SGPL1: variants seen among roughly 807,000 people sequenced by gnomAD.
SGPL1 encodes SP-lyase 1.
Under a neutral mutation model 68.9 loss-of-function variants are expected in SGPL1, and 37 were observed. That is an observed-to-expected ratio of 0.54 (90% CI 0.41 to 0.71). The LOEUF is 0.71. SGPL1 is among the 30% of genes least tolerant of loss of function. SGPL1 has a pLI of 0.00. For synonymous variants in SGPL1, 236 were observed against 248.5 expected, an observed-to-expected ratio of 0.95 and a Z score of 0.47; for missense variants, 551 against 704.6, an observed-to-expected ratio of 0.78 and a Z score of 2.47.
Position 70,857,618 on chromosome 10 carries a change from C to T in SGPL1, c.414C>T (p.Ala138=). The T allele has an allele frequency of 6.2e-7, 1 of 1,613,110 alleles. No homozygotes were observed. Among genetic ancestry groups the T allele is most frequent in the Non-Finnish European group, 8.5e-7 (1 of 1,179,264 alleles). Residue 138 remains alanine, a synonymous_variant, in exon 6 of 15, where the codon GCC becomes GCT. Transcript: ENST00000373202. ...TGACCTTACCTTTCTCTGCAGACGC[C>T]TTCTGGCAAGAGGGGAGAGCCTCTG... ...EKLKEYSSMD[A]FWQEGRASGT...
rs1021352933 is a variant in SGPL1, at chr10:70,879,298, C to T, written c.*1963C>T. 2.6e-5 allele frequency: 4 copies of T among 152,670 alleles called. No individual in the cohort carries two copies. The highest frequency in any genetic ancestry group is 6.5e-5 in the Admixed American group (1 of 15,288). 9.5% of individuals were successfully genotyped at this position (152,670 alleles called of 1,614,324 possible). On this transcript the variant is annotated 3_prime_UTR_variant, in exon 15 of 15. Transcript: ENST00000373202. ...TCCTCAGGCTCCTTGGCATGTTAGTCTGAATTGTTCTTGAGCACTGTACTA... is the reference window on the plus strand; with the variant it reads ...TCCTCAGGCTCCTTGGCATGTTAGTTTGAATTGTTCTTGAGCACTGTACTA...
chr10:70,816,762 G>A, intron 1 of SGPL1, 49 bp from the exon 2 acceptor site: 1 of 1,307,494 alleles, frequency 7.6e-7, no homozygotes, highest in South Asian at 1.2e-5. Flanking sequence ...GCGGGCTGGC[G>A]AGACAGTTTA....
intron 2 of SGPL1, among the ~76,000 whole-genome samples, chr10:70,827,396 A>G (rs1845455969): frequency 6.6e-6 from 1 of 152,094 alleles, no homozygotes; most frequent in Admixed American, 6.5e-5. Context: ...TTTGCTGTAT[A>G]TTTGCTGAGA....
chr10:70,820,822 A>C (rs1354195014), intron 2 of SGPL1, among the ~76,000 whole-genome samples: 1 of 152,206 alleles, frequency 6.6e-6, no homozygotes, highest in African/African-American at 2.4e-5. Flanking sequence ...CATTTAATGA[A>C]TTATATTGAA....
chr10:70,872,053 G>A, intron 11 of SGPL1, 67 bp downstream of exon 11: 2 of 1,487,278 alleles, frequency 1.3e-6, no homozygotes, highest in Non-Finnish European at 1.8e-6. Context: ...AAATAAATTG[G>A]TAGCTTCCCC....
chr10:70,826,441 G>A (rs1845439454), intron 2 of SGPL1, among the ~76,000 whole-genome samples: 1 of 152,142 alleles, frequency 6.6e-6, no homozygotes, highest in African/African-American at 2.4e-5. Flanking sequence ...TCAGGTTCAT[G>A]TTTCATTCAT....
At position 70,831,875 on chromosome 10, in the gene SGPL1, G is replaced by A. The variant is rs74140838; in HGVS notation, c.28-12598G>A. On this transcript the variant is annotated intron_variant, in intron 2 of 14. Coordinates refer to ENST00000373202, the MANE Select transcript of SGPL1 (RefSeq NM_003901.4). ...GCAGCCTTCCTTCCTCCAGAATATG[G>A]GGCACAACCCTCCCAGGAATGAGGG... Among the ~76,000 whole-genome samples the A allele has an allele frequency of 2.2e-3, 338 of 152,210 alleles. 3 individuals carry two copies. Among genetic ancestry groups the A allele is most frequent in the African/African-American group, 7.7e-3 (321 of 41,526 alleles).
intron 4 of SGPL1, among the ~76,000 whole-genome samples, chr10:70,853,843 A>AG (rs1447425526): frequency 8.5e-5 from 13 of 152,222 alleles, no homozygotes; most frequent in African/African-American, 3.1e-4. Context: ...GAGATACATT[A>AG]GAGTCTTCCT....
intron 2 of SGPL1, among the ~76,000 whole-genome samples, chr10:70,831,175 G>T (rs1362249866): frequency 1.3e-5 from 2 of 152,112 alleles, no homozygotes; most frequent in African/African-American, 4.8e-5. Context: ...CCCAGATAAT[G>T]CATAATTTTT....
At chr10:70,832,811 A>G (rs143821740) in intron 2 of SGPL1, among the ~76,000 whole-genome samples, 6 of 152,128 alleles carry the variant, frequency 3.9e-5, no homozygotes, top group South Asian at 2.1e-4. Flanking sequence ...CTGGGAGTCT[A>G]TTTTCCTACA....
intron 2 of SGPL1, among the ~76,000 whole-genome samples, chr10:70,829,784 C>T (rs779726565): frequency 1.3e-5 from 2 of 152,204 alleles, no homozygotes; most frequent in African/African-American, 4.8e-5. Context: ...ATTAACATGA[C>T]TCTCAGAGTC....
intron 5 of SGPL1, chr10:70,857,395 T>C (rs1835799920): frequency 4.3e-6 from 2 of 465,694 alleles, no homozygotes; most frequent in South Asian, 2.1e-5. Flanking sequence ...GCTATTAATA[T>C]CTTTTTCACA....
chr10:70,873,707 A>G lies in SGPL1; in HGVS notation c.1298+118A>G, dbSNP rs1465700900. On this transcript the variant is annotated intron_variant, in intron 12 of 14. Transcript: ENST00000373202. ...GCCCACCTGTTGTCTCCTGCGATATAGAGGGCTTAGGGCAGCAGCTTAGGG... is the reference window on the plus strand; with the variant it reads ...GCCCACCTGTTGTCTCCTGCGATATGGAGGGCTTAGGGCAGCAGCTTAGGG... The G allele has an allele frequency of 4.1e-5, 32 of 774,456 alleles. No individual in the cohort carries two copies. In the East Asian group the frequency reaches 7.3e-4, roughly 18 times the overall value. 48.0% of individuals were successfully genotyped at this position (774,456 alleles called of 1,614,324 possible).
chr10:70,844,737 TTTTG>T (rs901093940), intron 3 of SGPL1, 99 bp downstream of exon 3: 202 of 1,192,418 alleles, frequency 1.7e-4, no homozygotes, highest in Middle Eastern at 4.0e-4. Flanking sequence ...TTGGTTGTTT[TTTTG>T]TTTGTTTGTT....
At chr10:70,846,287 C>T (rs1239591288) in intron 3 of SGPL1, among the ~76,000 whole-genome samples, 1 of 152,220 alleles carries the variant, frequency 6.6e-6, no homozygotes, top group African/African-American at 2.4e-5. Flanking sequence ...TTGCTTATTC[C>T]TTTCCTAGGA....
chr10:70,852,351 G>A (rs980719499), intron 4 of SGPL1, among the ~76,000 whole-genome samples: 2 of 152,178 alleles, frequency 1.3e-5, no homozygotes, highest in African/African-American at 4.8e-5. Context: ...GCAATAACAG[G>A]TGGTGAAGGG....
chr10:70,816,368 G>T (rs2131838070), intron 1 of SGPL1, among the ~76,000 whole-genome samples: 1 of 152,006 alleles, frequency 6.6e-6, no homozygotes, highest in South Asian at 2.1e-4. Context: ...CTGCCGCGGG[G>T]TAGGCATGGG....
intron 12 of SGPL1, 124 bp from the exon 13 acceptor site, chr10:70,875,278 A>G: frequency 1.6e-6 from 1 of 633,636 alleles, no homozygotes; most frequent in Middle Eastern, 4.3e-4. Context: ...GAGAAGACTA[A>G]AGCCCAAAGG....
chr10:70,871,539 G>A (rs758362700), intron 10 of SGPL1, among the ~76,000 whole-genome samples: 30 of 152,144 alleles, frequency 2.0e-4, no homozygotes, highest in Non-Finnish European at 4.0e-4. Context: ...TCCCTTGTGC[G>A]AGAGGCAGCC....
Sources: gnomAD v4.1 joint callset for allele counts (sites outside exome capture counted in the v4.1 genomes callset) on GRCh38, gnomAD v4.1.1 for gene constraint, MANE v1.5 for transcripts, NCBI Gene and HGNC (gene_info 2026-07-23, HGNC 2026-07-21) for gene names.